The following HAMP variants were observed in gnomAD, a reference collection of about 807,000 sequenced individuals.
The protein encoded by HAMP is hepcidin antimicrobial peptide.
A neutral mutation model predicts 7.8 loss-of-function variants in HAMP; 5 were observed. The ratio of observed to expected loss-of-function variants is 0.64; its 90% CI spans 0.33 to 1.34. HAMP has a LOEUF of 1.34. Among genes scored for constraint, HAMP ranks in the 40% most tolerant of loss-of-function variants. The pLI is 0.05. For missense variants in HAMP, 105 were observed against 104.1 expected, an observed-to-expected ratio of 1.01 and a Z score of -0.04; for synonymous variants, 52 against 38.6, an observed-to-expected ratio of 1.35 and a Z score of -1.28.
rs760383487 is a variant in HAMP at position 35,282,616 on chromosome 19, GCTCCTCCTC to G, written c.46_54del (p.Leu16_Leu18del). The G allele has an allele frequency of 6.2e-7, 1 of 1,613,664 alleles. No homozygotes were observed. The highest frequency in any genetic ancestry group is 2.2e-5 in the East Asian group (1 of 44,884). ...CCCAGATCTGGGCCGCTTGCCTCCT[GCTCCTCCTC>G]CTCCTCGCCAGCCTGACCAGTGGCT... On this transcript the variant is annotated inframe_deletion, in exon 1 of 3. Transcript: ENST00000222304.
rs185009104 is a variant in HAMP at position 35,284,628 on chromosome 19, G to A, written c.91-161G>A. On this transcript the variant is annotated intron_variant, in intron 1 of 2. Transcript: ENST00000222304. Reference sequence around the variant, plus strand: ...GAGGTTTTTTTTTTTAGGAAAAGCCGCCCATGGGAAGGTGAGCAGAAGCAA... The same window carrying A: ...GAGGTTTTTTTTTTTAGGAAAAGCCACCCATGGGAAGGTGAGCAGAAGCAA... 4.4e-4 allele frequency: 273 copies of A among 619,096 alleles called. No homozygotes were observed. The African/African-American group carries it at 4.6e-3, about 10-fold the overall frequency. The allele number at this position is 619,096 out of a possible 1,614,324, so 38.4% of individuals were successfully genotyped here.
rs1420319408 is a variant in HAMP at position 35,285,054 on chromosome 19, C to G, written c.*12C>G. The G allele has an allele frequency of 2.6e-6, 4 of 1,532,618 alleles. No individual in the cohort carries two copies. The Admixed American group carries it at 6.7e-5, about 26-fold the overall frequency. The allele number at this position is 1,532,618 out of a possible 1,614,324, so 94.9% of individuals were successfully genotyped here. Reference sequence around the variant, plus strand: ...GCTGCAAGACGTAGAACCTACCTGCCCTGCCCCCGTCCCCTCCCTTCCTTA... The same window carrying G: ...GCTGCAAGACGTAGAACCTACCTGCGCTGCCCCCGTCCCCTCCCTTCCTTA... On this transcript the variant is annotated 3_prime_UTR_variant, in exon 3 of 3. Coordinates refer to ENST00000222304, the MANE Select transcript of HAMP (RefSeq NM_021175.4).
chr19:35,282,653 G>A lies in HAMP; in HGVS notation c.76G>A (p.Val26Ile), dbSNP rs751730554. 8.7e-6 allele frequency: 14 copies of A among 1,613,808 alleles called. No homozygotes were observed. Among genetic ancestry groups the A allele is most frequent in the Non-Finnish European group, 1.1e-5 (13 of 1,179,826 alleles). ...LLLASLTSGSVFPQQTGQLAE... is the reference protein window; with the variant it reads ...LLLASLTSGSIFPQQTGQLAE... The stretch of plus-strand genomic sequence containing the variant: ...CCTCGCCAGCCTGACCAGTGGCTCT[G>A]TTTTCCCACAACAGGTGAGAGCCCA... The change falls in exon 1 of 3, where the codon GTT becomes ATT. Residue 26 changes from valine (V) to isoleucine (I), a missense_variant. Val to Ile is a conservative substitution (Grantham distance 29). Transcript: ENST00000222304.
chr19:35,284,448 A>C, intron 1 of HAMP: 1 of 424,834 alleles, frequency 2.4e-6, no homozygotes, highest in Non-Finnish European at 4.4e-6. Context: ...CTGTCTAAAA[A>C]ACAAACAAAA....
intron 1 of HAMP, chr19:35,284,459 A>G: frequency 2.2e-6 from 1 of 456,924 alleles, no homozygotes; most frequent in Admixed American, 3.5e-5. Context: ...ACAAACAAAA[A>G]AAGTGACTCT....
chr19:35,285,039 G>A lies in HAMP; in HGVS notation c.252G>A (p.Thr84=), dbSNP rs150121265. Residue 84 remains threonine, a synonymous_variant, in exon 3 of 3, where the codon ACG becomes ACA. Coordinates refer to ENST00000222304, the MANE Select transcript of HAMP (RefSeq NM_021175.4). ...HRSKCGMCCK[T] is the part of the protein sequence containing the mutation. ...CAAAGTGTGGGATGTGCTGCAAGAC[G>A]TAGAACCTACCTGCCCTGCCCCCGT... is the stretch of plus-strand genomic sequence containing the variant. The A allele has an allele frequency of 1.4e-3, 2,217 of 1,602,518 alleles. 2 individuals carry two copies. Among genetic ancestry groups the A allele is most frequent in the Non-Finnish European group, 1.8e-3 (2,140 of 1,169,434 alleles).
chr19:35,284,921 T>G lies in HAMP; in HGVS notation c.151-17T>G, dbSNP rs199840627. On this transcript the variant is annotated splice_polypyrimidine_tract_variant and intron_variant, in intron 2 of 2. Transcript: ENST00000222304. ...GCTAAGGCCGGTTCCCTGCTCACAT[T>G]CCCTTCCTTCCCACAGCCCATGTTC... is the stretch of plus-strand genomic sequence containing the variant. 11 of 1,610,268 alleles carry G rather than the reference T, an allele frequency of 6.8e-6. No homozygotes were observed. The East Asian group carries it at 2.5e-4, about 36-fold the overall frequency.
intron 1 of HAMP, 165 bp from the exon 2 acceptor site, chr19:35,284,619 GGAAAA>G: frequency 1.7e-6 from 1 of 603,994 alleles, no homozygotes; most frequent in Non-Finnish European, 2.9e-6. Flanking sequence ...TTTTTTTTTA[GGAAAA>G]GCCGCCCATG....
chr19:35,282,668 G>A lies in HAMP; in HGVS notation c.90+1G>A, dbSNP rs2066309350. The stretch of plus-strand genomic sequence containing the variant: ...CAGTGGCTCTGTTTTCCCACAACAG[G>A]TGAGAGCCCAGTGGCCTGGGTCCTT... On this transcript the variant is annotated splice_donor_variant, in intron 1 of 2. Transcript: ENST00000222304. LOFTEE classifies it high-confidence loss of function. The A allele has an allele frequency of 1.2e-6, 2 of 1,612,186 alleles. No homozygotes were observed. Among genetic ancestry groups the A allele is most frequent in the African/African-American group, 2.7e-5 (2 of 74,910 alleles).
Position 35,284,770 on chromosome 19 carries a change from C to A in HAMP, c.91-19C>A. On this transcript the variant is annotated intron_variant, in intron 1 of 2. Coordinates refer to ENST00000222304, the MANE Select transcript of HAMP (RefSeq NM_021175.4). ...ACTGGGCCCCCTGCCATCCTCTGCA[C>A]CCCCTTCTGCTTTCACAGACGGGAC... 1.2e-6 allele frequency: 2 copies of A among 1,607,488 alleles called. No individual in the cohort carries two copies. Among genetic ancestry groups the A allele is most frequent in the Non-Finnish European group, 1.7e-6 (2 of 1,174,042 alleles).
intron 1 of HAMP, 80 bp downstream of exon 1, chr19:35,282,747 C>A (rs1347109392): frequency 1.5e-5 from 17 of 1,098,954 alleles, no homozygotes; most frequent in Non-Finnish European, 2.3e-5. Flanking sequence ...ACTGGAGACA[C>A]CCGAGCACTG....
At chr19:35,282,764 G>A (rs973907656) in intron 1 of HAMP, 97 bp downstream of exon 1, 1 of 956,862 alleles carries the variant, frequency 1.0e-6, no homozygotes. Context: ...ACTGAGCAGA[G>A]CTCAGGACGT....
At position 35,284,389 on chromosome 19, in the gene HAMP, G is replaced by C. The variant is rs1222186775; in HGVS notation, c.91-400G>C. Reference sequence around the variant, plus strand: ...GAGCACAGGAGGTCAAGGCTGCAGGGAGCTATGACTGTGCCACTGCACTCT... The same window carrying C: ...GAGCACAGGAGGTCAAGGCTGCAGGCAGCTATGACTGTGCCACTGCACTCT... On this transcript the variant is annotated intron_variant, in intron 1 of 2. Coordinates refer to ENST00000222304, the MANE Select transcript of HAMP (RefSeq NM_021175.4). 5 of 301,408 alleles carry C rather than the reference G, an allele frequency of 1.7e-5. No homozygotes were observed. The Admixed American group carries it at 2.3e-4, about 14-fold the overall frequency. The allele number at this position is 301,408 out of a possible 1,614,324, so 18.7% of individuals were successfully genotyped here.
intron 1 of HAMP, 33 bp from the exon 2 acceptor site, chr19:35,284,755 CT>C (rs2066318424): frequency 1.3e-6 from 2 of 1,578,690 alleles, no homozygotes; most frequent in African/African-American, 2.7e-5. Context: ...ACTGGGCCCC[CT>C]GCCATCCTCT....
At position 35,282,626 on chromosome 19, in the gene HAMP, C is replaced by T. The variant is rs2066309027; in HGVS notation, c.49C>T (p.Leu17Phe). The change falls in exon 1 of 3, where the codon CTC (leucine) becomes TTC (phenylalanine). Residue 17 changes from leucine (L) to phenylalanine (F), a missense_variant. Physicochemically the swap from Leu to Phe is conservative, Grantham distance 22. Coordinates refer to ENST00000222304, the MANE Select transcript of HAMP (RefSeq NM_021175.4). The stretch of plus-strand genomic sequence containing the variant: ...GGCCGCTTGCCTCCTGCTCCTCCTC[C>T]TCCTCGCCAGCCTGACCAGTGGCTC... ...IWAACLLLLL[L>F]LASLTSGSVF... The T allele has an allele frequency of 1.9e-6, 3 of 1,614,064 alleles. No individual in the cohort carries two copies. In the South Asian group the frequency reaches 3.3e-5, roughly 18 times the overall value.
At position 35,284,860 on chromosome 19, in the gene HAMP, A is replaced by C. The variant is rs576979244; in HGVS notation, c.150+12A>C. The C allele has an allele frequency of 1.1e-3, 1,840 of 1,612,332 alleles. 30 individuals are homozygous for C. In the South Asian group the frequency reaches 0.019, roughly 17 times the overall value. On this transcript the variant is annotated intron_variant, in intron 2 of 2. Transcript: ENST00000222304. Reference sequence around the variant, plus strand: ...GGGCCAGCTGGATGGTGAGCGCAACAGTGATGCCTTTCCTAGCCCCCTGCT... The same window carrying C: ...GGGCCAGCTGGATGGTGAGCGCAACCGTGATGCCTTTCCTAGCCCCCTGCT...
intron 1 of HAMP, chr19:35,283,527 C>G (rs1439004773): frequency 6.6e-6 from 1 of 152,290 alleles, no homozygotes; most frequent in African/African-American, 2.4e-5. Context: ...GCACATGCCA[C>G]GGGTTGGGGG....
At position 35,282,628 on chromosome 19, in the gene HAMP, C is replaced by G; in HGVS notation, c.51C>G (p.Leu17=). 1 of 1,614,172 alleles carries G rather than the reference C, an allele frequency of 6.2e-7. No homozygotes were observed. Among genetic ancestry groups the G allele is most frequent in the Non-Finnish European group, 8.5e-7 (1 of 1,180,022 alleles). The change falls in exon 1 of 3, where the codon CTC becomes CTG. Residue 17 remains leucine (L), a synonymous_variant. Transcript: ENST00000222304. ...CCGCTTGCCTCCTGCTCCTCCTCCTCCTCGCCAGCCTGACCAGTGGCTCTG... is the reference window on the plus strand; with the variant it reads ...CCGCTTGCCTCCTGCTCCTCCTCCTGCTCGCCAGCCTGACCAGTGGCTCTG... ...IWAACLLLLL[L]LASLTSGSVF... is the part of the protein sequence containing the mutation.
At chr19:35,283,785 GC>G (rs1190318576) in intron 1 of HAMP, 1 of 147,970 alleles carries the variant, frequency 6.8e-6, no homozygotes, top group Admixed American at 6.7e-5. Context: ...TAAAGAGGAA[GC>G]CCCCATAAGC....
Sources: allele counts gnomAD v4.1 joint callset, GRCh38; gene constraint gnomAD v4.1.1; transcripts MANE v1.5; gene names NCBI Gene and HGNC (gene_info 2026-07-23, HGNC 2026-07-21).